The following STAB2 variants were observed in gnomAD, a reference collection of about 807,000 sequenced individuals.
The protein encoded by STAB2 is stabilin 2.
A neutral mutation model predicts 338.1 loss-of-function variants in STAB2; 288 were observed. The observed-to-expected ratio is 0.85, with a 90% CI of 0.77 to 0.94. The LOEUF (loss-of-function observed/expected upper bound fraction) is 0.94, where lower values mean the gene tolerates loss of function less well. Among genes scored for constraint, STAB2 ranks in the 40% least tolerant of loss-of-function variants. The pLI, the probability that STAB2 is intolerant of heterozygous loss-of-function variation, is 0.00. For synonymous variants in STAB2, 1,202 were observed against 1,193.3 expected, an observed-to-expected ratio of 1.01 and a Z score of -0.15; for missense variants, 3,141 against 3,210.1, an observed-to-expected ratio of 0.98 and a Z score of 0.52.
intron 24 of STAB2, 33 bp downstream of exon 24, chr12:103,676,054 G>GTTTTT: frequency 1.9e-6 from 2 of 1,037,708 alleles, no homozygotes; most frequent in East Asian, 2.9e-5. Context: ...ACCCTGCCTG[G>GTTTTT]TTTCTTTTTT....
chr12:103,749,274 C>T lies in STAB2; in HGVS notation c.6438+118C>T, dbSNP rs892764147. The T allele has an allele frequency of 3.4e-6, 4 of 1,161,640 alleles. No individual in the cohort carries two copies. In the East Asian group the frequency reaches 1.0e-4, roughly 30 times the overall value. The allele number at this position is 1,161,640 out of a possible 1,614,324, so 72.0% of individuals were successfully genotyped here. On this transcript the variant is annotated intron_variant, in intron 59 of 68. Transcript: ENST00000388887. ...GACTCTTCCTAAACATTTTTTCTAG[C>T]ACAGTCTGTTTCTTGTTAAAAGTCA...
intron 3 of STAB2, among the ~76,000 whole-genome samples, chr12:103,608,378 G>A (rs185497378): frequency 4.6e-4 from 70 of 152,196 alleles, no homozygotes; most frequent in Admixed American, 3.2e-3. Context: ...TCCTGACCTC[G>A]TGATCCGCCC....
chr12:103,744,888 C>T (rs1882894033), intron 56 of STAB2, among the ~76,000 whole-genome samples: 1 of 152,174 alleles, frequency 6.6e-6, no homozygotes, highest in Admixed American at 6.5e-5. Flanking sequence ...ATTCATCTCA[C>T]TTATAATTAT....
At position 103,735,554 on chromosome 12, in the gene STAB2, G is replaced by A; in HGVS notation, c.5524G>A (p.Val1842Met). 1.4e-6 allele frequency: 2 copies of A among 1,433,908 alleles called. No homozygotes were observed. Among genetic ancestry groups the A allele is most frequent in the Non-Finnish European group, 1.9e-6 (2 of 1,066,960 alleles). The allele number at this position is 1,433,908 out of a possible 1,614,324, so 88.8% of individuals were successfully genotyped here. A position where few individuals can be genotyped will look rare whatever the true frequency, so the allele number is the denominator to read the frequency against. ...GACCCTGCAAGGTTCAGAGCTGAGTGTGAAATGTGGAGCTGGCAGGGACAT... is the reference window on the plus strand; with the variant it reads ...GACCCTGCAAGGTTCAGAGCTGAGTATGAAATGTGGAGCTGGCAGGGACAT... ...WKTLQGSELS[V>M]KCGAGRDIGD... The change falls in exon 52 of 69, where the codon GTG becomes ATG. Residue 1842 changes from valine (V) to methionine (M), a missense_variant. By Grantham distance (21) the Val-to-Met change is conservative (BLOSUM62 1). Coordinates refer to ENST00000388887, the MANE Select transcript of STAB2 (RefSeq NM_017564.10).
chr12:103,641,487 C>T (rs1249572955), intron 9 of STAB2, among the ~76,000 whole-genome samples: 1 of 152,176 alleles, frequency 6.6e-6, no homozygotes, highest in Non-Finnish European at 1.5e-5. Context: ...TCCTTCAATA[C>T]ATGTGAATGC....
intron 25 of STAB2, among the ~76,000 whole-genome samples, chr12:103,682,782 T>C (rs569325715): frequency 6.6e-6 from 1 of 152,138 alleles, no homozygotes; most frequent in South Asian, 2.1e-4. Flanking sequence ...ACCCCGTCTG[T>C]ACTAAAAATA....
chr12:103,720,749 C>G (rs1354452855), intron 44 of STAB2, among the ~76,000 whole-genome samples: 2 of 152,184 alleles, frequency 1.3e-5, no homozygotes, highest in Non-Finnish European at 2.9e-5. Flanking sequence ...ACAGAGGATA[C>G]CTGAGACTGG....
intron 2 of STAB2, among the ~76,000 whole-genome samples, chr12:103,592,981 C>T (rs190409758): frequency 5.9e-5 from 9 of 152,168 alleles, no homozygotes; most frequent in East Asian, 1.9e-4. Context: ...TCCATGTTGT[C>T]GCAAGTTACA....
chr12:103,701,457 T>C (rs1878866024), intron 34 of STAB2, among the ~76,000 whole-genome samples: 2 of 152,322 alleles, frequency 1.3e-5, no homozygotes, highest in South Asian at 4.1e-4. Context: ...TGAACTAGTT[T>C]ACAGTCCCAC....
rs773207497 is a variant in STAB2, at chr12:103,654,628, C to A, written c.1481C>A (p.Ser494Tyr). The change falls in exon 13 of 69, where the codon TCC (serine) becomes TAC (tyrosine). Residue 494 changes from serine (S) to tyrosine (Y), a missense_variant. Ser to Tyr is a moderately radical substitution (Grantham distance 144, BLOSUM62 -2). Transcript: ENST00000388887. ...VKIIQGDIIASNGLLHILDRA... is the reference protein window; with the variant it reads ...VKIIQGDIIAYNGLLHILDRA... ...ATTATACAAGGGGACATCATTGCTT[C>A]CAATGGGCTTCTGCACATCCTTGAC... The A allele has an allele frequency of 6.8e-6, 11 of 1,614,094 alleles. No individual in the cohort carries two copies. In the Admixed American group the frequency reaches 1.5e-4, roughly 22 times the overall value.
chr12:103,761,907 G>T lies in STAB2; in HGVS notation c.7360-367G>T, dbSNP rs75343202. Among the ~76,000 whole-genome samples the T allele has an allele frequency of 8.5e-4, 130 of 152,266 alleles. 1 individual carries two copies. The highest frequency in any genetic ancestry group is 3.0e-3 in the African/African-American group (125 of 41,546). ...AGTATTCTTTTTTGCAAAAGCATGAGGGGAGAGGTGAGCTGCTGGAGAGTT... is the reference window on the plus strand; with the variant it reads ...AGTATTCTTTTTTGCAAAAGCATGATGGGAGAGGTGAGCTGCTGGAGAGTT... On this transcript the variant is annotated intron_variant, in intron 66 of 68. Transcript: ENST00000388887.
At chr12:103,683,887 T>C (rs1429617656) in intron 26 of STAB2, among the ~76,000 whole-genome samples, 1 of 152,186 alleles carries the variant, frequency 6.6e-6, no homozygotes, top group East Asian at 1.9e-4. Flanking sequence ...TGAAGTCTGA[T>C]GCCTTAATCA....
intron 38 of STAB2, 79 bp from the exon 39 acceptor site, chr12:103,708,362 A>G (rs1879550171): frequency 6.9e-7 from 1 of 1,450,380 alleles, no homozygotes; most frequent in East Asian, 2.3e-5. Context: ...AAGTGCAATA[A>G]AGCAAACCTA....
intron 34 of STAB2, among the ~76,000 whole-genome samples, chr12:103,702,024 C>T (rs865831153): frequency 1.4e-5 from 2 of 140,538 alleles, no homozygotes; most frequent in Non-Finnish European, 3.1e-5. Flanking sequence ...ACACACACAC[C>T]CCACCCCAAT....
chr12:103,688,703 C>T (rs1245384720), intron 28 of STAB2, among the ~76,000 whole-genome samples: 1 of 152,212 alleles, frequency 6.6e-6, no homozygotes, highest in Non-Finnish European at 1.5e-5. Flanking sequence ...CACCCCAGGA[C>T]AGCTTCCTGT....
At chr12:103,613,417 C>T (rs1333398574) in intron 3 of STAB2, among the ~76,000 whole-genome samples, 1 of 152,208 alleles carries the variant, frequency 6.6e-6, no homozygotes, top group African/African-American at 2.4e-5. Context: ...TCGCTGCCGC[C>T]TTGCAGTTTG....
chr12:103,694,287 A>G (rs1878211588), intron 31 of STAB2, among the ~76,000 whole-genome samples: 1 of 152,126 alleles, frequency 6.6e-6, no homozygotes, highest in Non-Finnish European at 1.5e-5. Flanking sequence ...TTGTTATGTG[A>G]CATAGACATA....
intron 60 of STAB2, among the ~76,000 whole-genome samples, chr12:103,752,024 C>A (rs1883705130): frequency 6.6e-6 from 1 of 152,172 alleles, no homozygotes; most frequent in South Asian, 2.1e-4. Flanking sequence ...TCATGATTTG[C>A]AGCCGATTTG....
At chr12:103,620,641 A>ACACACACACACGTG in intron 4 of STAB2, 88 bp downstream of exon 4, 10 of 1,037,462 alleles carry the variant, frequency 9.6e-6, no homozygotes, top group Non-Finnish European at 1.4e-5. Context: ...ACACACACAC[A>ACACACACACACGTG]CACACACACA....
Sources: allele counts gnomAD v4.1 joint callset (sites outside exome capture counted in the v4.1 genomes callset), GRCh38; gene constraint gnomAD v4.1.1; transcripts MANE v1.5; gene names NCBI Gene and HGNC (gene_info 2026-07-23, HGNC 2026-07-21).